The following SEMA3C variants were observed in gnomAD, a reference collection of about 807,000 sequenced individuals.
The protein encoded by SEMA3C is semaphorin-3C.
Under a neutral mutation model 89.4 loss-of-function variants are expected in SEMA3C, and 47 were observed. The ratio of observed to expected loss-of-function variants is 0.53; its 90% confidence interval spans 0.42 to 0.67. The LOEUF (loss-of-function observed/expected upper bound fraction) is 0.67, where lower values mean the gene tolerates loss of function less well. Ranked by LOEUF, SEMA3C falls within the 30% of genes least tolerant of loss-of-function variation. The pLI is 0.00. For synonymous variants in SEMA3C, 310 were observed against 320.2 expected (o/e 0.97, Z 0.34); for missense variants, 839 against 929.1 (o/e 0.90, Z 1.26).
intron 2 of SEMA3C, among the ~76,000 whole-genome samples, chr7:80,878,677 T>C (rs904626576): frequency 1.3e-5 from 2 of 152,042 alleles, no homozygotes; most frequent in Admixed American, 6.6e-5. Context: ...AGGTGTCCAG[T>C]ACACCTAATA....
chr7:80,885,779 T>C (rs1355415229), intron 2 of SEMA3C, among the ~76,000 whole-genome samples: 1 of 152,202 alleles, frequency 6.6e-6, no homozygotes, highest in African/African-American at 2.4e-5. Context: ...TTCAAAACAA[T>C]ATCCAGCATA....
intron 11 of SEMA3C, among the ~76,000 whole-genome samples, chr7:80,794,235 G>A (rs187306475): frequency 2.6e-5 from 4 of 151,678 alleles, no homozygotes; most frequent in East Asian, 3.9e-4. Context: ...ATTTATCCAC[G>A]TCCAATCACC....
chr7:80,835,129 T>C (rs1790095705), intron 2 of SEMA3C, among the ~76,000 whole-genome samples: 1 of 152,082 alleles, frequency 6.6e-6, no homozygotes, highest in South Asian at 2.1e-4. Context: ...TGATTGAAAA[T>C]CAATTCCCAG....
At chr7:80,844,504 T>C (rs1283420504) in intron 2 of SEMA3C, among the ~76,000 whole-genome samples, 1 of 152,170 alleles carries the variant, frequency 6.6e-6, no homozygotes, top group Non-Finnish European at 1.5e-5. Context: ...CTCAGTTTAC[T>C]TACTTGTAAA....
chr7:80,749,673 T>C (rs369257806), intron 16 of SEMA3C, among the ~76,000 whole-genome samples: 6 of 152,180 alleles, frequency 3.9e-5, no homozygotes, highest in African/African-American at 1.4e-4. Flanking sequence ...AAAACATGGA[T>C]TATAGCATTT....
intron 14 of SEMA3C, among the ~76,000 whole-genome samples, chr7:80,760,450 C>T (rs1171378413): frequency 3.3e-5 from 5 of 152,122 alleles, no homozygotes; most frequent in East Asian, 1.9e-4. Flanking sequence ...GACAAAATGA[C>T]GAATGGCTTC....
chr7:80,794,261 T>G (rs1210237195), intron 11 of SEMA3C, among the ~76,000 whole-genome samples: 1 of 152,066 alleles, frequency 6.6e-6, no homozygotes, highest in Non-Finnish European at 1.5e-5. Context: ...GCAAGCTCAA[T>G]CTCACATTTT....
intron 2 of SEMA3C, among the ~76,000 whole-genome samples, chr7:80,914,736 T>A (rs1792230024): frequency 6.6e-6 from 1 of 152,192 alleles, no homozygotes; most frequent in Non-Finnish European, 1.5e-5. Flanking sequence ...CATGTCATAT[T>A]CTACATAAGT....
chr7:80,806,752 G>GA (rs1391610361), intron 6 of SEMA3C, among the ~76,000 whole-genome samples: 2 of 152,108 alleles, frequency 1.3e-5, no homozygotes, highest in African/African-American at 4.8e-5. Context: ...CTGGCCCACT[G>GA]AACTGCCATG....
intron 1 of SEMA3C, among the ~76,000 whole-genome samples, chr7:80,917,570 A>G (rs1792307735): frequency 6.6e-6 from 1 of 152,236 alleles, no homozygotes; most frequent in Non-Finnish European, 1.5e-5. Context: ...TCAAAGAGAC[A>G]GGTGTCACTG....
intron 2 of SEMA3C, among the ~76,000 whole-genome samples, chr7:80,849,812 C>T (rs1457623914): frequency 6.6e-6 from 1 of 152,186 alleles, no homozygotes; most frequent in South Asian, 2.1e-4. Flanking sequence ...GAATACATTA[C>T]AATTTAGAAT....
intron 4 of SEMA3C, among the ~76,000 whole-genome samples, chr7:80,820,044 A>T: frequency 6.8e-6 from 1 of 147,136 alleles, no homozygotes; most frequent in African/African-American, 2.5e-5. Flanking sequence ...GCTAGGTACC[A>T]TGTATGCTCC....
In SEMA3C at chr7:80,910,061, C is replaced by T. The variant is rs189400554; in HGVS notation, c.103+6618G>A. 3.3e-5 allele frequency among the ~76,000 whole-genome samples: 5 copies of T among 152,184 alleles called. No individual in the cohort carries two copies. In the East Asian group the frequency reaches 7.7e-4, roughly 24 times the overall value. On this transcript the variant is annotated intron_variant, in intron 2 of 17. Transcript: ENST00000265361. ...CCTTGCATTTCTGCAGATTTTGTAA[C>T]ATACATTTGCAGGGTATCTCTGATT...
chr7:80,896,918 T>C (rs1410649545), intron 2 of SEMA3C, among the ~76,000 whole-genome samples: 2 of 152,102 alleles, frequency 1.3e-5, no homozygotes, highest in Non-Finnish European at 2.9e-5. Flanking sequence ...CTTCACCCTC[T>C]CCTGATGCTC....
upstream of SEMA3C, among the ~76,000 whole-genome samples, chr7:80,921,967 A>T (rs1031252628): frequency 6.6e-5 from 10 of 152,332 alleles, no homozygotes; most frequent in South Asian, 1.7e-3. Context: ...TATACAGATG[A>T]GTCATGTAAA....
chr7:80,844,934 T>A (rs1040169677), intron 2 of SEMA3C, among the ~76,000 whole-genome samples: 9 of 152,176 alleles, frequency 5.9e-5, no homozygotes, highest in African/African-American at 2.2e-4. Flanking sequence ...TCTAAATCTT[T>A]GTATCTTTGT....
chr7:80,829,926 T>C (rs1789972100), intron 2 of SEMA3C, among the ~76,000 whole-genome samples: 1 of 152,342 alleles, frequency 6.6e-6, no homozygotes, highest in Non-Finnish European at 1.5e-5. Context: ...GAACTGTTTC[T>C]AGATTTTTAG....
intron 6 of SEMA3C, among the ~76,000 whole-genome samples, chr7:80,807,556 T>C (rs1282103951): frequency 6.6e-6 from 1 of 152,214 alleles, no homozygotes; most frequent in Non-Finnish European, 1.5e-5. Flanking sequence ...AGAAATAAAC[T>C]TGTGCCTTTT....
chr7:80,804,268 A>C lies in SEMA3C; in HGVS notation c.659-20T>G, dbSNP rs774193471. On this transcript the variant is annotated intron_variant, in intron 7 of 17. Transcript: ENST00000265361. ...TAGGTTCTAGAAAAAAAGGTAAAAG[A>C]CTAGGTATATATTCATTATGAAAAT... is the stretch of plus-strand genomic sequence containing the variant. 1.3e-6 allele frequency: 2 copies of C among 1,567,536 alleles called. No homozygotes were observed. Among genetic ancestry groups the C allele is most frequent in the East Asian group, 4.7e-5 (2 of 42,826 alleles).
Sources: allele counts gnomAD v4.1 joint callset (sites outside exome capture counted in the v4.1 genomes callset), GRCh38; gene constraint gnomAD v4.1.1; transcripts MANE v1.5; gene names NCBI Gene and HGNC (gene_info 2026-07-23, HGNC 2026-07-21).